The following CACNB2 variants were observed in gnomAD, a reference collection of about 807,000 sequenced individuals.
The protein encoded by CACNB2 is voltage-dependent L-type calcium channel subunit beta-2.
In CACNB2, 42 loss-of-function variants were observed where a neutral mutation model predicts 73.3. The observed-to-expected ratio is 0.57, with a 90% CI of 0.45 to 0.74. The LOEUF is 0.74. CACNB2 is among the 30% of genes least tolerant of loss of function. CACNB2 has a pLI of 0.00. For missense variants in CACNB2, 940 were observed against 853.0 expected (o/e 1.10, Z -1.27); for synonymous variants, 348 against 310.3 (o/e 1.12, Z -1.28).
Position 18,539,336 on chromosome 10 carries a change from C to CT in CACNB2, c.1597dup (p.Ser533PhefsTer24). The CT allele has an allele frequency of 6.2e-7, 1 of 1,614,148 alleles. No homozygotes were observed. Among genetic ancestry groups the CT allele is most frequent in the Non-Finnish European group, 8.5e-7 (1 of 1,180,020 alleles). ...CCAGTCAAGAAATCCCAGCACCGCT[C>CT]TTCCTCCTCAGCCCCACACCACAAC... On this transcript the variant is annotated frameshift_variant, in exon 14 of 14. Coordinates refer to ENST00000324631, the MANE Select transcript of CACNB2 (RefSeq NM_201596.3). LOFTEE classifies it high-confidence loss of function.
chr10:18,370,459 G>A (rs1033100103), intron 2 of CACNB2, among the ~76,000 whole-genome samples: 7 of 152,178 alleles, frequency 4.6e-5, no homozygotes, highest in African/African-American at 1.2e-4. Flanking sequence ...CACCATGCCC[G>A]GCTAATTGTT....
chr10:18,226,588 C>G (rs181498578), intron 2 of CACNB2, among the ~76,000 whole-genome samples: 2 of 152,156 alleles, frequency 1.3e-5, no homozygotes, highest in Non-Finnish European at 2.9e-5. Flanking sequence ...GTTGCTTCTA[C>G]GATCTGCCGG....
At chr10:18,430,118 A>G (rs1330552739) in intron 3 of CACNB2, among the ~76,000 whole-genome samples, 2 of 122,278 alleles carry the variant, frequency 1.6e-5, no homozygotes, top group Non-Finnish European at 3.3e-5. Flanking sequence ...TAAGCAGAAA[A>G]TCAAGAAGAT....
intron 2 of CACNB2, chr10:18,261,008 A>G: frequency 7.2e-7 from 1 of 1,397,240 alleles, no homozygotes; most frequent in Non-Finnish European, 9.3e-7. Context: ...GATTTTTGCA[A>G]ATAGGAAACC....
intron 10 of CACNB2, chr10:18,531,898 G>A (rs1253338497): frequency 2.0e-5 from 3 of 152,184 alleles, no homozygotes; most frequent in Non-Finnish European, 2.9e-5. Context: ...GGGATGTGGG[G>A]AGATGAGGAA....
At chr10:18,231,335 C>T (rs1014332681) in intron 2 of CACNB2, among the ~76,000 whole-genome samples, 1 of 152,198 alleles carries the variant, frequency 6.6e-6, no homozygotes, top group Non-Finnish European at 1.5e-5. Flanking sequence ...CGCCACCACA[C>T]CCAGCTAAAC....
At chr10:18,304,410 C>T (rs904009837) in intron 2 of CACNB2, among the ~76,000 whole-genome samples, 1 of 152,186 alleles carries the variant, frequency 6.6e-6, no homozygotes, top group Non-Finnish European at 1.5e-5. Context: ...GTATTCAGCA[C>T]ATTTAAGAAA....
chr10:18,341,890 G>C (rs1217191126), intron 2 of CACNB2, among the ~76,000 whole-genome samples: 1 of 152,076 alleles, frequency 6.6e-6, no homozygotes, highest in African/African-American at 2.4e-5. Flanking sequence ...TCTTTTATTA[G>C]ATTTTACTTT....
At chr10:18,363,500 ATGTC>A (rs2042224424) in intron 2 of CACNB2, among the ~76,000 whole-genome samples, 1 of 152,118 alleles carries the variant, frequency 6.6e-6, no homozygotes, top group Non-Finnish European at 1.5e-5. Context: ...ATTTCTTGAC[ATGTC>A]TGTCTTATGC....
intron 2 of CACNB2, among the ~76,000 whole-genome samples, chr10:18,258,649 C>T (rs2037386683): frequency 6.6e-6 from 1 of 152,106 alleles, no homozygotes; most frequent in Non-Finnish European, 1.5e-5. Context: ...TCACTTGAAC[C>T]CAGGAGGTGG....
chr10:18,300,111 T>C (rs1279558921), intron 2 of CACNB2, among the ~76,000 whole-genome samples: 1 of 151,880 alleles, frequency 6.6e-6, no homozygotes, highest in Non-Finnish European at 1.5e-5. Flanking sequence ...AACCTCCACC[T>C]CCCGGGTTCA....
chr10:18,401,011 G>T, intron 2 of CACNB2: 2 of 1,614,034 alleles, frequency 1.2e-6, no homozygotes, highest in Non-Finnish European at 1.7e-6. Context: ...AGCTGCGGAC[G>T]ATAAAGGCGC....
chr10:18,154,294 A>G (rs901746963), intron 2 of CACNB2, among the ~76,000 whole-genome samples: 4 of 144,918 alleles, frequency 2.8e-5, no homozygotes, highest in South Asian at 4.3e-4. Flanking sequence ...AAGAACTTTA[A>G]AAAAAAAAAA....
chr10:18,191,230 G>A (rs1169945048), intron 2 of CACNB2, among the ~76,000 whole-genome samples: 1 of 152,190 alleles, frequency 6.6e-6, no homozygotes, highest in African/African-American at 2.4e-5. Flanking sequence ...GATAAATAGG[G>A]TAGCCATTCC....
chr10:18,516,669 T>C (rs2051312570), intron 7 of CACNB2, among the ~76,000 whole-genome samples: 1 of 152,278 alleles, frequency 6.6e-6, no homozygotes, highest in African/African-American at 2.4e-5. Flanking sequence ...TCTTATGTTA[T>C]TGATAATGTG....
chr10:18,339,253 G>A (rs2041138699), intron 2 of CACNB2, among the ~76,000 whole-genome samples: 1 of 151,886 alleles, frequency 6.6e-6, no homozygotes, highest in African/African-American at 2.4e-5. Flanking sequence ...GGGCACAGTG[G>A]CTCATGCATG....
chr10:18,227,218 G>T (rs1212587382), intron 2 of CACNB2, among the ~76,000 whole-genome samples: 1 of 152,276 alleles, frequency 6.6e-6, no homozygotes, highest in African/African-American at 2.4e-5. Context: ...CAAAGCAAAA[G>T]AAGGAGAAGG....
intron 3 of CACNB2, among the ~76,000 whole-genome samples, chr10:18,481,351 A>C (rs2048764381): frequency 7.4e-6 from 1 of 135,686 alleles, no homozygotes. Flanking sequence ...GCTTCAAGTG[A>C]TTCTTTTGCC....
intron 3 of CACNB2, among the ~76,000 whole-genome samples, chr10:18,419,610 G>A (rs1052734868): frequency 1.2e-4 from 18 of 152,252 alleles, no homozygotes; most frequent in Admixed American, 4.6e-4. Context: ...ACCTGGAAAA[G>A]GGGTCTTGTC....
Sources: allele counts gnomAD v4.1 joint callset (sites outside exome capture counted in the v4.1 genomes callset), GRCh38; gene constraint gnomAD v4.1.1; transcripts MANE v1.5; gene names NCBI Gene and HGNC (gene_info 2026-07-23, HGNC 2026-07-21).